Variants in WDR7 observed in about 807,000 individuals in gnomAD.
WDR7 encodes the protein WD repeat-containing protein 7.
A neutral mutation model predicts 169.4 loss-of-function variants in WDR7; 46 were observed. The ratio of observed to expected loss-of-function variants is 0.27; its 90% CI spans 0.21 to 0.35. WDR7 has a LOEUF of 0.35. WDR7 is among the 10% of genes least tolerant of loss of function. The pLI, the probability that WDR7 is intolerant of heterozygous loss-of-function variation, is 1.00. For synonymous variants in WDR7, 612 were observed against 666.8 expected (o/e 0.92, Z 1.27); for missense variants, 1,534 against 1,859.3 (o/e 0.83, Z 3.22).
chr18:56,709,896 A>G (rs971836126), intron 12 of WDR7, among the ~76,000 whole-genome samples: 1 of 151,832 alleles, frequency 6.6e-6, no homozygotes, highest in Non-Finnish European at 1.5e-5. Flanking sequence ...ACCTTGATTA[A>G]TGTATACCCA....
At position 56,852,417 on chromosome 18, in the gene WDR7, A is replaced by G. The variant is rs956267316; in HGVS notation, c.3305-27527A>G. 3.9e-5 allele frequency among the ~76,000 whole-genome samples: 6 copies of G among 152,216 alleles called. No individual in the cohort carries two copies. The South Asian group carries it at 1.0e-3, about 26-fold the overall frequency. The stretch of plus-strand genomic sequence containing the variant: ...CCTAGTTCATTCCCAGACAGGCAGA[A>G]AAAGAATTTTTGTCCTCTGTCTCGT... On this transcript the variant is annotated intron_variant, in intron 20 of 27. Transcript: ENST00000254442.
intron 25 of WDR7, among the ~76,000 whole-genome samples, chr18:56,942,125 C>A (rs959688744): frequency 6.6e-6 from 1 of 152,146 alleles, no homozygotes; most frequent in African/African-American, 2.4e-5. Context: ...TCTAAAGACG[C>A]CCTCTCCCCG....
chr18:56,998,618 G>C (rs750373000), intron 26 of WDR7, among the ~76,000 whole-genome samples: 1 of 152,200 alleles, frequency 6.6e-6, no homozygotes, highest in Non-Finnish European at 1.5e-5. Flanking sequence ...GCTGAAGCTA[G>C]AAGGTCCACT....
intron 26 of WDR7, among the ~76,000 whole-genome samples, chr18:56,976,290 T>C (rs180983108): frequency 6.6e-6 from 1 of 152,296 alleles, no homozygotes; most frequent in East Asian, 1.9e-4. Flanking sequence ...AAGCAAAAGC[T>C]GTATTTTCTG....
At chr18:56,963,345 A>G (rs943430551) in intron 26 of WDR7, among the ~76,000 whole-genome samples, 3 of 152,174 alleles carry the variant, frequency 2.0e-5, no homozygotes, top group Non-Finnish European at 4.4e-5. Context: ...GATATATTCC[A>G]TATTATCGTA....
intron 26 of WDR7, among the ~76,000 whole-genome samples, chr18:56,970,209 T>C (rs1296795507): frequency 2.0e-5 from 3 of 151,814 alleles, no homozygotes; most frequent in Admixed American, 2.0e-4. Context: ...TCTGTTGAAA[T>C]TGCTTTCTTA....
chr18:56,771,397 A>G (rs1599031089), intron 16 of WDR7, among the ~76,000 whole-genome samples: 1 of 152,038 alleles, frequency 6.6e-6, no homozygotes, highest in South Asian at 2.1e-4. Flanking sequence ...AGGATGATGA[A>G]GATTGGTTAG....
intron 14 of WDR7, among the ~76,000 whole-genome samples, chr18:56,749,515 T>C (rs763733295): frequency 2.0e-5 from 3 of 152,072 alleles, no homozygotes; most frequent in Non-Finnish European, 2.9e-5. Context: ...TTCTGCTTTA[T>C]ACTTTAGCAT....
At chr18:56,873,013 G>A (rs1472892960) in intron 20 of WDR7, among the ~76,000 whole-genome samples, 1 of 152,172 alleles carries the variant, frequency 6.6e-6, no homozygotes, top group Non-Finnish European at 1.5e-5. Context: ...AAAAATTATA[G>A]GAATGAGAAA....
At chr18:56,692,875 T>G (rs1303099513) in intron 9 of WDR7, among the ~76,000 whole-genome samples, 2 of 151,850 alleles carry the variant, frequency 1.3e-5, no homozygotes, top group Non-Finnish European at 2.9e-5. Flanking sequence ...AAAATTTTAG[T>G]CTGGGCGACA....
At chr18:56,741,195 A>G (rs1329196475) in intron 14 of WDR7, among the ~76,000 whole-genome samples, 1 of 152,110 alleles carries the variant, frequency 6.6e-6, no homozygotes, top group East Asian at 1.9e-4. Context: ...GTGGCCCTCA[A>G]AGTTTAAAGT....
intron 12 of WDR7, among the ~76,000 whole-genome samples, chr18:56,704,032 C>T (rs2144678080): frequency 6.6e-6 from 1 of 152,240 alleles, no homozygotes; most frequent in Admixed American, 6.5e-5. Flanking sequence ...CTTCATCATC[C>T]TGTTTATAAT....
At chr18:56,801,319 G>A (rs978452422) in intron 19 of WDR7, among the ~76,000 whole-genome samples, 10 of 151,922 alleles carry the variant, frequency 6.6e-5, no homozygotes, top group East Asian at 1.9e-4. Context: ...CAGTTTTTTG[G>A]CCTGTTTTCC....
At chr18:56,680,079 A>G (rs1027465405) in intron 3 of WDR7, among the ~76,000 whole-genome samples, 2 of 152,146 alleles carry the variant, frequency 1.3e-5, no homozygotes, top group East Asian at 1.9e-4. Context: ...AATTGTTGCT[A>G]TGTGTGGTGG....
intron 19 of WDR7, among the ~76,000 whole-genome samples, chr18:56,811,341 ATTGT>A (rs1599064046): frequency 6.6e-6 from 1 of 152,110 alleles, no homozygotes; most frequent in Admixed American, 6.6e-5. Flanking sequence ...GAAATGCCAG[ATTGT>A]TTGTTTACTC....
intron 20 of WDR7, among the ~76,000 whole-genome samples, chr18:56,848,885 T>C (rs2045603075): frequency 6.6e-6 from 1 of 152,180 alleles, no homozygotes; most frequent in Admixed American, 6.5e-5. Flanking sequence ...TGTGAGCCTA[T>C]TAAATCTCTT....
intron 20 of WDR7, among the ~76,000 whole-genome samples, chr18:56,867,439 A>G (rs2045898527): frequency 6.6e-6 from 1 of 152,174 alleles, no homozygotes; most frequent in South Asian, 2.1e-4. Context: ...CCAGGTTTTT[A>G]CATATGCTGT....
intron 21 of WDR7, among the ~76,000 whole-genome samples, chr18:56,903,402 T>G (rs1415844616): frequency 6.6e-6 from 1 of 151,996 alleles, no homozygotes; most frequent in African/African-American, 2.4e-5. Context: ...GTTTTTCATT[T>G]TATTTTTATT....
rs190638740 is a variant in WDR7, at chr18:56,749,173, A to G, written c.1990-7410A>G. ...TATTCAATAAATATACTAAATCAAG[A>G]GTAAAATTATAAAATATTTAATTTA... On this transcript the variant is annotated intron_variant, in intron 14 of 27. Transcript: ENST00000254442. Among the ~76,000 whole-genome samples, 383 of 152,130 alleles carry G rather than the reference A, an allele frequency of 2.5e-3. 4 individuals carry two copies. In the East Asian group the frequency reaches 0.032, roughly 13 times the overall value.
Sources: allele counts gnomAD v4.1 joint callset (sites outside exome capture counted in the v4.1 genomes callset), GRCh38; gene constraint gnomAD v4.1.1; transcripts MANE v1.5; gene names NCBI Gene and HGNC (gene_info 2026-07-23, HGNC 2026-07-21).